Variants in MACROD2 observed in about 807,000 individuals in gnomAD.
MACROD2 encodes the protein mono-ADP ribosylhydrolase 2.
Under a neutral mutation model 70.4 loss-of-function variants are expected in MACROD2, and 36 were observed. The ratio of observed to expected loss-of-function variants is 0.51; its 90% CI spans 0.39 to 0.68. The LOEUF is 0.68. Among genes scored for constraint, MACROD2 ranks in the 30% least tolerant of loss-of-function variants. The probability of loss-of-function intolerance (pLI) is 0.00; values close to 1 mark genes in which losing one functional copy is unlikely to be tolerated. For missense variants in MACROD2, 496 were observed against 538.4 expected (o/e 0.92, Z 0.78); for synonymous variants, 172 against 178.8 (o/e 0.96, Z 0.30).
chr20:15,329,621 G>A (rs888979400), intron 6 of MACROD2, among the ~76,000 whole-genome samples: 1 of 151,982 alleles, frequency 6.6e-6, no homozygotes, highest in Admixed American at 6.6e-5. Flanking sequence ...ATCAAAAAAT[G>A]AAAATACAAT....
chr20:14,346,067 C>A (rs2122678422), intron 3 of MACROD2, among the ~76,000 whole-genome samples: 1 of 115,662 alleles, frequency 8.6e-6, no homozygotes, highest in South Asian at 3.1e-4. Flanking sequence ...GCACTCCAGC[C>A]TGGGTGACAG....
intron 8 of MACROD2, among the ~76,000 whole-genome samples, chr20:15,850,393 C>T (rs998876579): frequency 6.6e-6 from 1 of 152,232 alleles, no homozygotes; most frequent in Admixed American, 6.5e-5. Flanking sequence ...AGCCTGCCAG[C>T]ACTATGAAAG....
chr20:15,075,161 C>T (rs923536221), intron 5 of MACROD2, among the ~76,000 whole-genome samples: 9 of 151,558 alleles, frequency 5.9e-5, no homozygotes, highest in African/African-American at 2.2e-4. Flanking sequence ...TAGGTGGGTT[C>T]ATTGTAAAAT....
intron 8 of MACROD2, among the ~76,000 whole-genome samples, chr20:15,782,898 G>A (rs1333024816): frequency 2.0e-5 from 3 of 151,630 alleles, no homozygotes; most frequent in Admixed American, 1.3e-4. Context: ...TTCCTATCTT[G>A]TACTAAATCT....
chr20:15,198,149 C>T (rs1366037218), intron 5 of MACROD2, among the ~76,000 whole-genome samples: 4 of 152,006 alleles, frequency 2.6e-5, no homozygotes, highest in Middle Eastern at 3.4e-3. Flanking sequence ...TCAGTAGAGA[C>T]GGGGTTTCAC....
intron 6 of MACROD2, among the ~76,000 whole-genome samples, chr20:15,256,362 T>A (rs1035195591): frequency 1.3e-5 from 2 of 151,968 alleles, no homozygotes; most frequent in Non-Finnish European, 2.9e-5. Flanking sequence ...TGTTCTAGAG[T>A]TCTTGAGCTA....
At chr20:14,780,336 G>A (rs1314439065) in intron 5 of MACROD2, among the ~76,000 whole-genome samples, 2 of 152,096 alleles carry the variant, frequency 1.3e-5, no homozygotes, top group Non-Finnish European at 2.9e-5. Context: ...GCCGAGGCAG[G>A]CGGATCACCT....
intron 8 of MACROD2, among the ~76,000 whole-genome samples, chr20:15,775,755 A>G (rs983922548): frequency 2.0e-5 from 3 of 152,188 alleles, no homozygotes; most frequent in African/African-American, 7.2e-5. Flanking sequence ...GAAGAAATCA[A>G]ATAATGAGGC....
intron 8 of MACROD2, among the ~76,000 whole-genome samples, chr20:15,819,374 TATAA>T (rs889657315): frequency 2.1e-5 from 3 of 142,722 alleles, no homozygotes; most frequent in South Asian, 2.1e-4. Flanking sequence ...AATAAATAAA[TATAA>T]ATATAGATAA....
intron 5 of MACROD2, among the ~76,000 whole-genome samples, chr20:14,854,308 G>A (rs2073230498): frequency 6.6e-6 from 1 of 152,262 alleles, no homozygotes; most frequent in East Asian, 1.9e-4. Flanking sequence ...ACTACTGAAT[G>A]CTTGTTCTTG....
chr20:14,075,174 A>G (rs188522019), intron 2 of MACROD2, among the ~76,000 whole-genome samples: 14 of 152,326 alleles, frequency 9.2e-5, no homozygotes, highest in African/African-American at 3.1e-4. Flanking sequence ...ACTCAAAAAA[A>G]AATCGTATGT....
At chr20:15,937,362 C>A (rs985544878) in intron 11 of MACROD2, 114 bp from the exon 12 acceptor site, 5 of 877,516 alleles carry the variant, frequency 5.7e-6, no homozygotes, top group African/African-American at 1.6e-5. Context: ...TTCAAGCATG[C>A]GGCAGGCTCA....
chr20:14,897,541 A>G (rs1465218536), intron 5 of MACROD2, among the ~76,000 whole-genome samples: 1 of 152,194 alleles, frequency 6.6e-6, no homozygotes, highest in Non-Finnish European at 1.5e-5. Flanking sequence ...TAGTTTCAGC[A>G]CATGGAATTT....
intron 8 of MACROD2, among the ~76,000 whole-genome samples, chr20:15,681,895 G>A (rs2050164542): frequency 6.6e-6 from 1 of 152,154 alleles, no homozygotes; most frequent in South Asian, 2.1e-4. Context: ...AAGAAGCTTA[G>A]ACATTATTTT....
chr20:15,992,153 C>A (rs138855095), intron 15 of MACROD2, among the ~76,000 whole-genome samples: 65 of 152,166 alleles, frequency 4.3e-4, no homozygotes, highest in African/African-American at 1.4e-3. Flanking sequence ...TGTGTATATG[C>A]GTAAAGTTAG....
intron 5 of MACROD2, among the ~76,000 whole-genome samples, chr20:15,091,268 C>T (rs991237263): frequency 2.0e-5 from 3 of 151,712 alleles, no homozygotes; most frequent in African/African-American, 7.3e-5. Flanking sequence ...TAGATTTGTT[C>T]CAAATCTTAC....
At chr20:15,761,104 G>C (rs1231853503) in intron 8 of MACROD2, among the ~76,000 whole-genome samples, 2 of 152,230 alleles carry the variant, frequency 1.3e-5, no homozygotes, top group Non-Finnish European at 2.9e-5. Flanking sequence ...GGAGTGCAGT[G>C]GTGTGATCTT....
chr20:15,323,193 C>A (rs565668485), intron 6 of MACROD2, among the ~76,000 whole-genome samples: 89 of 152,262 alleles, frequency 5.8e-4, no homozygotes, highest in Admixed American at 1.6e-3. Flanking sequence ...TGACAAACAG[C>A]CAAATTTTTT....
At chr20:15,364,409 C>G (rs2045375560) in intron 6 of MACROD2, among the ~76,000 whole-genome samples, 1 of 152,178 alleles carries the variant, frequency 6.6e-6, no homozygotes, top group Non-Finnish European at 1.5e-5. Context: ...TGTGCTTTGG[C>G]TTTTTGTATA....
Sources: allele counts gnomAD v4.1 joint callset (sites outside exome capture counted in the v4.1 genomes callset), GRCh38; gene constraint gnomAD v4.1.1; transcripts MANE v1.5; gene names NCBI Gene and HGNC (gene_info 2026-07-23, HGNC 2026-07-21).